Variants in ELAVL1 observed in about 807,000 individuals in gnomAD.
ELAVL1 encodes ELAV like RNA binding protein 1.
In ELAVL1, 1 loss-of-function variant was observed where a neutral mutation model predicts 28.4. That is an observed-to-expected ratio of 0.04 (90% CI 0.01 to 0.17). The LOEUF is 0.17. ELAVL1 is among the 10% of genes least tolerant of loss of function. The probability of loss-of-function intolerance (pLI) is 1.00; values close to 1 mark genes in which losing one functional copy is unlikely to be tolerated. For missense variants in ELAVL1, 157 were observed against 447.2 expected (o/e 0.35, Z 5.85); for synonymous variants, 174 against 183.5 (o/e 0.95, Z 0.42).
chr19:8,002,242 T>C (rs902739967), intron 1 of ELAVL1: 3 of 708,656 alleles, frequency 4.2e-6, no homozygotes, highest in Non-Finnish European at 6.4e-6. Flanking sequence ...TGTCTTTGCC[T>C]GGTTAGCTCC....
chr19:7,998,610 A>G (rs942853456), intron 1 of ELAVL1, among the ~76,000 whole-genome samples: 15 of 152,096 alleles, frequency 9.9e-5, no homozygotes, highest in African/African-American at 3.1e-4. Context: ...GCAGGGCACT[A>G]GTGTCCTCTC....
At chr19:7,995,501 C>CA (rs1985852601) in intron 1 of ELAVL1, among the ~76,000 whole-genome samples, 1 of 152,138 alleles carries the variant, frequency 6.6e-6, no homozygotes, top group Non-Finnish European at 1.5e-5. Context: ...AAATCTGGCC[C>CA]ATTGCCTGTT....
chr19:7,992,520 C>T (rs1265800229), intron 1 of ELAVL1, among the ~76,000 whole-genome samples: 2 of 152,138 alleles, frequency 1.3e-5, no homozygotes, highest in Non-Finnish European at 2.9e-5. Context: ...GATTCCAACT[C>T]TATGACCTTC....
In ELAVL1 at chr19:8,004,807, C is replaced by T. The variant is rs77467966; in HGVS notation, c.-17+688G>A. On this transcript the variant is annotated intron_variant, in intron 1 of 5. Coordinates refer to ENST00000407627, the MANE Select transcript of ELAVL1 (RefSeq NM_001419.3). Reference sequence around the variant, plus strand: ...GGACCAAAACCCATTTTAACAAGCCCCGCAGCCCAGAGCACCGGAAAAGGA... The same window carrying T: ...GGACCAAAACCCATTTTAACAAGCCTCGCAGCCCAGAGCACCGGAAAAGGA... Among the ~76,000 whole-genome samples, 47 of 152,258 alleles carry T rather than the reference C, an allele frequency of 3.1e-4. 1 individual carries two copies. The East Asian group carries it at 8.7e-3, about 28-fold the overall frequency.
At chr19:7,985,866 C>T (rs761124212) in intron 2 of ELAVL1, among the ~76,000 whole-genome samples, 5 of 152,190 alleles carry the variant, frequency 3.3e-5, no homozygotes, top group Non-Finnish European at 7.4e-5. Context: ...TTTCTGGCCA[C>T]AAGGCAGGGT....
At chr19:7,966,627 T>C (rs763042514) in intron 5 of ELAVL1, among the ~76,000 whole-genome samples, 1 of 152,202 alleles carries the variant, frequency 6.6e-6, no homozygotes, top group Non-Finnish European at 1.5e-5. Context: ...TCATTATTCA[T>C]TTATTTTTTA....
rs1985475432 is a variant in ELAVL1, at chr19:7,981,910, C to T, written c.173-724G>A. Among the ~76,000 whole-genome samples the T allele has an allele frequency of 6.6e-6, 1 of 152,170 alleles. No homozygotes were observed. The highest frequency in any genetic ancestry group is 2.4e-5 in the African/African-American group (1 of 41,440). ...TCCTTGTCCAGAGCAGGAGGGCCTG[C>T]TGGCACCACCCACCACCAGTTCCAT... On this transcript the variant is annotated intron_variant, in intron 2 of 5. Transcript: ENST00000407627. This position sits in a 1 kb window ranked among gnomAD's most constrained non-coding sequence, Gnocchi z 4.2.
At position 8,005,597 on chromosome 19, in the gene ELAVL1, T is replaced by TGGC. The variant is rs1281388550; in HGVS notation, c.-122_-120dup. ...TCGGCCTCGGTAGCGGTGGCGGCGG[T>TGGC]GGCGGCGACGGCGACGGCGGCAGCG... is the stretch of plus-strand genomic sequence containing the variant. On this transcript the variant is annotated 5_prime_UTR_variant, in exon 1 of 6. Transcript: ENST00000407627. 6.8e-6 allele frequency: 1 copy of TGGC among 147,774 alleles called. No individual in the cohort carries two copies. Among genetic ancestry groups the TGGC allele is most frequent in the African/African-American group, 2.5e-5 (1 of 40,214 alleles). 9.2% of individuals were successfully genotyped at this position (147,774 alleles called of 1,614,324 possible).
intron 1 of ELAVL1, among the ~76,000 whole-genome samples, chr19:8,004,801 C>A (rs1169710793): frequency 6.6e-6 from 1 of 152,158 alleles, no homozygotes; most frequent in Non-Finnish European, 1.5e-5. Context: ...CCCATTTTAA[C>A]AAGCCCCGCA....
chr19:8,000,324 C>A (rs930965531), intron 1 of ELAVL1, among the ~76,000 whole-genome samples: 4 of 152,188 alleles, frequency 2.6e-5, no homozygotes, highest in Non-Finnish European at 5.9e-5. Flanking sequence ...TGATGTTGTT[C>A]ACATCCGTCG....
At chr19:7,970,574 C>T (rs926157265) in intron 4 of ELAVL1, among the ~76,000 whole-genome samples, 11 of 152,210 alleles carry the variant, frequency 7.2e-5, no homozygotes, top group African/African-American at 2.7e-4. Flanking sequence ...AGCCACGGCC[C>T]CCGGCCCCCT....
intron 4 of ELAVL1, among the ~76,000 whole-genome samples, chr19:7,970,961 G>A (rs1165402099): frequency 6.6e-6 from 1 of 152,214 alleles, no homozygotes; most frequent in Non-Finnish European, 1.5e-5. Context: ...GGGAGCTACA[G>A]CCCTGGGATG....
intron 1 of ELAVL1, chr19:8,001,968 G>A (rs1439022671): frequency 2.0e-5 from 23 of 1,135,098 alleles, no homozygotes; most frequent in Non-Finnish European, 2.6e-5. Context: ...AACAGCCTGT[G>A]ACTGGTTTCT....
chr19:7,997,809 T>C (rs2145228273), intron 1 of ELAVL1, among the ~76,000 whole-genome samples: 1 of 151,210 alleles, frequency 6.6e-6, no homozygotes, highest in Non-Finnish European at 1.5e-5. Flanking sequence ...TACCCAGGAA[T>C]GGTGATGCAC....
intron 2 of ELAVL1, among the ~76,000 whole-genome samples, chr19:7,988,515 G>A (rs1985664738): frequency 6.6e-6 from 1 of 152,210 alleles, no homozygotes; most frequent in Non-Finnish European, 1.5e-5. Context: ...GGGAGGAGGA[G>A]GTGCTCCTGA....
intron 2 of ELAVL1, among the ~76,000 whole-genome samples, chr19:7,986,198 G>A (rs192337051): frequency 3.0e-4 from 46 of 152,246 alleles, no homozygotes; most frequent in Non-Finnish European, 5.0e-4. Flanking sequence ...GGGCTGAGGG[G>A]GCGAGTGCCC....
At chr19:7,973,704 C>T (rs199775190) in intron 4 of ELAVL1, 21 bp downstream of exon 4, 19 of 1,607,864 alleles carry the variant, frequency 1.2e-5, no homozygotes, top group East Asian at 2.2e-5. Flanking sequence ...CCTCCCCACG[C>T]GTCTGGGGCC....
At position 7,979,489 on chromosome 19, in the gene ELAVL1, T is replaced by A. The variant is rs979701484; in HGVS notation, c.276+1594A>T. Among the ~76,000 whole-genome samples, 1 of 152,358 alleles carries A rather than the reference T, an allele frequency of 6.6e-6. No homozygotes were observed. Among genetic ancestry groups the A allele is most frequent in the South Asian group, 2.1e-4 (1 of 4,830 alleles). On this transcript the variant is annotated intron_variant, in intron 3 of 5. Transcript: ENST00000407627. This position sits in a 1 kb window ranked among gnomAD's most constrained non-coding sequence, Gnocchi z 5.4. ...GCTGTGCAGGAATAATCAAGCGTTC[T>A]GCTCCACACCTCAGCCTGGCTGCCT... is the stretch of plus-strand genomic sequence containing the variant.
chr19:7,980,305 G>A (rs756291224), intron 3 of ELAVL1, among the ~76,000 whole-genome samples: 2 of 152,196 alleles, frequency 1.3e-5, no homozygotes, highest in African/African-American at 2.4e-5. Flanking sequence ...ACCCAGGACT[G>A]ACAGGAGACC....
Sources: allele counts gnomAD v4.1 joint callset (sites outside exome capture counted in the v4.1 genomes callset), GRCh38; gene constraint gnomAD v4.1.1; non-coding constraint Gnocchi (gnomAD v3.1); transcripts MANE v1.5; gene names NCBI Gene and HGNC (gene_info 2026-07-23, HGNC 2026-07-21).